NFIB: variants seen among roughly 807,000 people sequenced by gnomAD.
NFIB encodes the protein nuclear factor I B, also known as nuclear factor 1 B-type.
Under a neutral mutation model 61.5 loss-of-function variants are expected in NFIB, and 11 were observed. The observed-to-expected ratio is 0.18, with a 90% confidence interval of 0.11 to 0.30. The LOEUF is 0.30. Among genes scored for constraint, NFIB ranks in the 10% least tolerant of loss-of-function variants. NFIB has a pLI of 1.00. For synonymous variants in NFIB, 260 were observed against 216.5 expected, an observed-to-expected ratio of 1.20 and a Z score of -1.76; for missense variants, 471 against 608.9, an observed-to-expected ratio of 0.77 and a Z score of 2.38.
At chr9:14,440,267 G>C in the NFIB span, among the ~76,000 whole-genome samples, 1 of 152,188 alleles carries the variant, frequency 6.6e-6, no homozygotes, top group Non-Finnish European at 1.5e-5. Context: ...ACCTAGGACA[G>C]AGCACACGCT....
At chr9:14,188,707 CT>C (rs1195259124) in intron 2 of NFIB, among the ~76,000 whole-genome samples, 1 of 152,190 alleles carries the variant, frequency 6.6e-6, no homozygotes, top group Non-Finnish European at 1.5e-5. Context: ...TAATAAAGTC[CT>C]TTCCAAAACC....
chr9:14,386,683 A>C (rs1399755438), intron 1 of NFIB, among the ~76,000 whole-genome samples: 2 of 152,224 alleles, frequency 1.3e-5, no homozygotes, highest in Non-Finnish European at 2.9e-5. Context: ...CAGTGTTTAA[A>C]GTTCAGTATG....
the NFIB span, among the ~76,000 whole-genome samples, chr9:14,419,161 C>T: frequency 1.3e-5 from 2 of 151,616 alleles, no homozygotes; most frequent in Non-Finnish European, 2.9e-5. Context: ...GGGGAGCTCT[C>T]GGTGCTTTGA....
At chr9:14,488,642 T>C in the NFIB span, among the ~76,000 whole-genome samples, 1 of 152,260 alleles carries the variant, frequency 6.6e-6, no homozygotes, top group Non-Finnish European at 1.5e-5. Flanking sequence ...TGGTGTGTGG[T>C]GTGAAGCAAG....
the NFIB span, among the ~76,000 whole-genome samples, chr9:14,433,665 G>A: frequency 1.3e-5 from 2 of 152,176 alleles, no homozygotes; most frequent in East Asian, 3.9e-4. Context: ...CAGAACTTAA[G>A]TAGTTGTAAT....
the NFIB span, among the ~76,000 whole-genome samples, chr9:14,508,521 A>C: frequency 2.6e-5 from 4 of 152,222 alleles, no homozygotes; most frequent in Non-Finnish European, 5.9e-5. Flanking sequence ...ACTGACATCA[A>C]TGGTTTCTCT....
chr9:14,369,581 C>T (rs2061336341), intron 1 of NFIB, among the ~76,000 whole-genome samples: 1 of 152,132 alleles, frequency 6.6e-6, no homozygotes, highest in South Asian at 2.1e-4. Flanking sequence ...CCCTTCCCCA[C>T]ACACACCCTC....
At chr9:14,200,762 T>C (rs1009604845) in intron 2 of NFIB, among the ~76,000 whole-genome samples, 1 of 152,184 alleles carries the variant, frequency 6.6e-6, no homozygotes. Context: ...GCCATCTTCT[T>C]GTCTTTGTAC....
Position 14,082,994 on chromosome 9 carries a change from G to A in NFIB, c.*5315C>T, listed in dbSNP as rs564597950. 8.7e-5 allele frequency: 18 copies of A among 205,976 alleles called. No homozygotes were observed. In the South Asian group the frequency reaches 1.7e-3, roughly 20 times the overall value. 12.8% of individuals were successfully genotyped at this position (205,976 alleles called of 1,614,324 possible). On this transcript the variant is annotated 3_prime_UTR_variant, in exon 11 of 11. Coordinates refer to ENST00000380953, the MANE Select transcript of NFIB (RefSeq NM_001190737.2). ...CATCAAGGGCTTAGTCTAGTGTACC[G>A]GTAAGCTAGTGGCACTGAAGCGCTT... is the stretch of plus-strand genomic sequence containing the variant.
At chr9:14,321,398 G>A (rs2060656769) in intron 1 of NFIB, among the ~76,000 whole-genome samples, 1 of 151,880 alleles carries the variant, frequency 6.6e-6, no homozygotes, top group African/African-American at 2.4e-5. Flanking sequence ...GAGGGGATGG[G>A]GGTTAGGACT....
At chr9:14,429,638 T>C in the NFIB span, among the ~76,000 whole-genome samples, 1 of 152,174 alleles carries the variant, frequency 6.6e-6, no homozygotes, top group Non-Finnish European at 1.5e-5. Flanking sequence ...GTGGATGAAA[T>C]TGCAGCAGCT....
chr9:14,351,429 G>A (rs1363713359), intron 1 of NFIB, among the ~76,000 whole-genome samples: 1 of 152,150 alleles, frequency 6.6e-6, no homozygotes, highest in Non-Finnish European at 1.5e-5. Flanking sequence ...GGCCAGGGAT[G>A]CCTGGACCTT....
the NFIB span, among the ~76,000 whole-genome samples, chr9:14,519,526 G>A: frequency 4.6e-5 from 7 of 152,088 alleles, no homozygotes; most frequent in Non-Finnish European, 1.0e-4. Context: ...TTTTCTTGGC[G>A]GGGGGTTGGG....
At chr9:14,447,653 G>T in the NFIB span, among the ~76,000 whole-genome samples, 10 of 152,046 alleles carry the variant, frequency 6.6e-5, no homozygotes, top group African/African-American at 2.4e-4. Context: ...GTTGAGAGTG[G>T]GAGTGAAGAG....
chr9:14,170,447 G>C (rs1416870228), intron 3 of NFIB, among the ~76,000 whole-genome samples: 3 of 152,104 alleles, frequency 2.0e-5, no homozygotes, highest in Non-Finnish European at 4.4e-5. Flanking sequence ...CTGGGGACCA[G>C]CCTAGGCAAC....
intron 2 of NFIB, among the ~76,000 whole-genome samples, chr9:14,231,253 T>G: frequency 6.7e-6 from 1 of 149,404 alleles, no homozygotes; most frequent in East Asian, 2.0e-4. Context: ...AAAGAAAAAC[T>G]ATTTGCTCCT....
chr9:14,102,528 G>A, intron 10 of NFIB: 1 of 1,548,606 alleles, frequency 6.5e-7, no homozygotes, highest in Non-Finnish European at 8.7e-7. Context: ...TTGAAACCTA[G>A]CAGTCAGATA....
chr9:14,391,218 A>G lies in NFIB; in HGVS notation c.108+7306T>C, dbSNP rs1328366439. 7.2e-5 allele frequency among the ~76,000 whole-genome samples: 11 copies of G among 152,268 alleles called. No homozygotes were observed. The East Asian group carries it at 2.1e-3, about 29-fold the overall frequency. ...TTGTCATTGGTTCAAACTCAATATT[A>G]TCAGTGATAAATCATGATGGTAGCA... On this transcript the variant is annotated intron_variant, in intron 1 of 8. Transcript: ENST00000380934.
chr9:14,208,933 A>C (rs2050032797), intron 2 of NFIB, among the ~76,000 whole-genome samples: 1 of 152,136 alleles, frequency 6.6e-6, no homozygotes, highest in Admixed American at 6.5e-5. Context: ...CCCACCCATA[A>C]GGGAAAAGAA....
Sources: allele counts gnomAD v4.1 joint callset (sites outside exome capture counted in the v4.1 genomes callset), GRCh38; gene constraint gnomAD v4.1.1; transcripts MANE v1.5; gene names NCBI Gene and HGNC (gene_info 2026-07-23, HGNC 2026-07-21).